MAPK10: variants seen among roughly 807,000 people sequenced by gnomAD.
MAPK10 encodes JNK3 alpha protein kinase.
In MAPK10, 25 loss-of-function variants were observed where a neutral mutation model predicts 59.3. That is an observed-to-expected ratio of 0.42 (90% CI 0.31 to 0.59). The LOEUF is 0.59. MAPK10 is among the 20% of genes least tolerant of loss of function. The probability of loss-of-function intolerance (pLI) is 0.15; values close to 1 mark genes in which losing one functional copy is unlikely to be tolerated. For synonymous variants in MAPK10, 190 were observed against 200.5 expected (o/e 0.95, Z 0.44); for missense variants, 351 against 568.9 (o/e 0.62, Z 3.90).
chr4:86,391,599 T>C (rs374254294), intron 1 of MAPK10, among the ~76,000 whole-genome samples: 233 of 152,232 alleles, frequency 1.5e-3, no homozygotes, highest in African/African-American at 5.5e-3. Context: ...GGCAGTGAGC[T>C]CTCTATCTCT....
intron 1 of MAPK10, among the ~76,000 whole-genome samples, chr4:86,460,819 G>A (rs1436230108): frequency 2.0e-5 from 3 of 152,200 alleles, no homozygotes; most frequent in Admixed American, 1.3e-4. Context: ...TTTCCGGTAA[G>A]GAATACTTTT....
intron 1 of MAPK10, among the ~76,000 whole-genome samples, chr4:86,366,190 A>G (rs1737864978): frequency 6.6e-6 from 1 of 152,300 alleles, no homozygotes; most frequent in East Asian, 1.9e-4. Context: ...CAGAACAGAC[A>G]AAACTATTCT....
chr4:86,267,302 AG>A (rs1208657070), intron 2 of MAPK10, among the ~76,000 whole-genome samples: 1 of 152,204 alleles, frequency 6.6e-6, no homozygotes, highest in African/African-American at 2.4e-5. Context: ...CAGAATCAAA[AG>A]CCACGTAAAT....
chr4:86,213,538 C>A (rs866083100), intron 2 of MAPK10, among the ~76,000 whole-genome samples: 1 of 151,698 alleles, frequency 6.6e-6, no homozygotes, highest in African/African-American at 2.4e-5. Context: ...GACATTAGTA[C>A]AAATTCTAAA....
In MAPK10 at chr4:86,107,263, T is replaced by G; in HGVS notation, c.326A>C (p.Tyr109Ser). The change falls in exon 5 of 14, where the codon TAC (tyrosine) becomes TCC (serine). Residue 109 changes from tyrosine (Y) to serine (S), a missense_variant. Tyr to Ser is a moderately radical substitution (Grantham distance 144, BLOSUM62 -2). Transcript: ENST00000641462. ...ACACTTCATGAGGACCAGCTCCCGG[T>G]ACGCTCTCTTGGCATGTGTTTGGTT... ...FQNQTHAKRA[Y>S]RELVLMKCVN... The G allele has an allele frequency of 4.3e-6, 7 of 1,613,310 alleles. No individual in the cohort carries two copies. The highest frequency in any genetic ancestry group is 5.9e-6 in the Non-Finnish European group (7 of 1,179,468).
chr4:86,216,435 C>A (rs2087657458), intron 2 of MAPK10, among the ~76,000 whole-genome samples: 1 of 151,178 alleles, frequency 6.6e-6, no homozygotes, highest in Admixed American at 6.6e-5. Context: ...CTCAATTGTA[C>A]AATTAAAAAT....
chr4:86,505,904 C>A (rs1755703107), intron 1 of MAPK10, among the ~76,000 whole-genome samples: 1 of 152,122 alleles, frequency 6.6e-6, no homozygotes, highest in Admixed American at 6.6e-5. Flanking sequence ...AGTGTATATG[C>A]TCTGTCCTCT....
chr4:86,250,313 C>T (rs918172673), intron 2 of MAPK10, among the ~76,000 whole-genome samples: 3 of 152,054 alleles, frequency 2.0e-5, no homozygotes. Context: ...TAAAGTAGTC[C>T]TTATACTGTA....
At chr4:86,221,971 C>T (rs569387653) in intron 2 of MAPK10, among the ~76,000 whole-genome samples, 1 of 152,186 alleles carries the variant, frequency 6.6e-6, no homozygotes, top group Non-Finnish European at 1.5e-5. Flanking sequence ...GAACCTCCCC[C>T]TCTCTCTCTT....
intron 1 of MAPK10, among the ~76,000 whole-genome samples, chr4:86,396,271 C>G (rs1341495341): frequency 2.0e-5 from 3 of 152,130 alleles, no homozygotes; most frequent in Non-Finnish European, 4.4e-5. Context: ...GGCGCGAACC[C>G]AGGAGGCGGA....
intron 1 of MAPK10, among the ~76,000 whole-genome samples, chr4:86,540,265 C>T (rs1758570664): frequency 6.6e-6 from 1 of 152,216 alleles, no homozygotes; most frequent in South Asian, 2.1e-4. Flanking sequence ...CTTTGGAAGG[C>T]CAAGCTGGGC....
intron 3 of MAPK10, among the ~76,000 whole-genome samples, chr4:86,179,099 T>C (rs1162206357): frequency 6.6e-6 from 1 of 151,682 alleles, no homozygotes; most frequent in African/African-American, 2.4e-5. Context: ...CTACTTGGGA[T>C]ACTGAGGCAG....
chr4:86,130,687 G>T (rs1198424876), intron 4 of MAPK10, among the ~76,000 whole-genome samples: 2 of 152,106 alleles, frequency 1.3e-5, no homozygotes, highest in African/African-American at 2.4e-5. Flanking sequence ...AGAGCTTATG[G>T]ATATTCATTT....
rs1742242031 is a variant in MAPK10, at chr4:86,013,965, A to G, written c.*3263T>C. On this transcript the variant is annotated 3_prime_UTR_variant, in exon 14 of 14. Coordinates refer to ENST00000641462, the MANE Select transcript of MAPK10 (RefSeq NM_138982.4). Reference sequence around the variant, plus strand: ...GAACACGCTGACCCACAAAACACATATAAAAATAGTAAAGACATATTAATA... The same window carrying G: ...GAACACGCTGACCCACAAAACACATGTAAAAATAGTAAAGACATATTAATA... 1 of 152,242 alleles carries G rather than the reference A, an allele frequency of 6.6e-6. No individual in the cohort carries two copies. The allele number at this position is 152,242 out of a possible 1,614,324, so 9.4% of individuals were successfully genotyped here.
intron 11 of MAPK10, among the ~76,000 whole-genome samples, chr4:86,049,766 T>C (rs1368061908): frequency 2.0e-5 from 3 of 152,142 alleles, no homozygotes; most frequent in Non-Finnish European, 4.4e-5. Flanking sequence ...CCATTGCCAT[T>C]GAAGTCCATT....
At chr4:86,085,860 T>C (rs895118058) in intron 9 of MAPK10, among the ~76,000 whole-genome samples, 1 of 152,086 alleles carries the variant, frequency 6.6e-6, no homozygotes, top group Non-Finnish European at 1.5e-5. Context: ...CATCAACAGA[T>C]GAATGGATAA....
chr4:86,367,674 T>A (rs1475945547), intron 1 of MAPK10, among the ~76,000 whole-genome samples: 1 of 151,448 alleles, frequency 6.6e-6, no homozygotes, highest in African/African-American at 2.4e-5. Context: ...TTTTGTTTTG[T>A]TTTTTTTGGT....
chr4:86,053,968 T>A (rs1246170662), intron 11 of MAPK10, among the ~76,000 whole-genome samples: 1 of 152,142 alleles, frequency 6.6e-6, no homozygotes, highest in African/African-American at 2.4e-5. Context: ...CCCTTCCCCC[T>A]TTTCATAAAG....
rs1003549686 is a variant in MAPK10 at position 86,010,886 on chromosome 4, T to C, written c.*6342A>G. On this transcript the variant is annotated 3_prime_UTR_variant, in exon 14 of 14. Coordinates refer to ENST00000641462, the MANE Select transcript of MAPK10 (RefSeq NM_138982.4). The stretch of plus-strand genomic sequence containing the variant: ...TTGAGTTGCAAATGATCTGGACTGT[T>C]GGTTAAACATCGCAGACAAGATCAG... 1 of 152,192 alleles carries C rather than the reference T, an allele frequency of 6.6e-6. No homozygotes were observed. Among genetic ancestry groups the C allele is most frequent in the Non-Finnish European group, 1.5e-5 (1 of 68,028 alleles). 9.4% of individuals were successfully genotyped at this position (152,192 alleles called of 1,614,324 possible). A position where few individuals can be genotyped will look rare whatever the true frequency, so the allele number is the denominator to read the frequency against.
Sources: allele counts gnomAD v4.1 joint callset (sites outside exome capture counted in the v4.1 genomes callset), GRCh38; gene constraint gnomAD v4.1.1; transcripts MANE v1.5; gene names NCBI Gene and HGNC (gene_info 2026-07-23, HGNC 2026-07-21).